MMP26: variants seen among roughly 807,000 people sequenced by gnomAD.
The protein encoded by MMP26 is matrix metallopeptidase 26.
MMP26 carries 33 observed loss-of-function variants against 31.0 expected under a neutral mutation model. That is an observed-to-expected ratio of 1.06 (90% confidence interval 0.81 to 1.42). MMP26 has a LOEUF of 1.42. Ranked by LOEUF, MMP26 falls within the 40% of genes most tolerant of loss-of-function variation. MMP26 has a pLI of 0.00. For missense variants in MMP26, 347 were observed against 316.1 expected, an observed-to-expected ratio of 1.10 and a Z score of -0.74; for synonymous variants, 122 against 114.9, an observed-to-expected ratio of 1.06 and a Z score of -0.40.
At chr11:4,761,295 A>T (rs948763785) in intron 1 of MMP26, among the ~76,000 whole-genome samples, 3 of 152,240 alleles carry the variant, frequency 2.0e-5, no homozygotes, top group African/African-American at 7.2e-5. Context: ...TTAAAGACAC[A>T]ATTAAGTCCT....
intron 2 of MMP26, chr11:4,882,954 T>C (rs1034204666): frequency 9.8e-6 from 12 of 1,229,546 alleles, no homozygotes; most frequent in African/African-American, 1.5e-5. Context: ...TATCCACAGG[T>C]GTTTTGGTTG....
intron 1 of MMP26, among the ~76,000 whole-genome samples, chr11:4,724,410 C>G (rs1444169345): frequency 3.9e-5 from 6 of 152,098 alleles, no homozygotes; most frequent in Non-Finnish European, 8.8e-5. Context: ...TTTTCTCTGG[C>G]CTAAATAGCA....
In MMP26 at chr11:4,951,738, T is replaced by C. The variant is rs1162171288; in HGVS notation, c.-144-36330T>C. Among the ~76,000 whole-genome samples the C allele has an allele frequency of 3.2e-5, 4 of 124,080 alleles. 1 individual carries two copies. The highest frequency in any genetic ancestry group is 7.3e-5 in the Non-Finnish European group (4 of 54,760). The allele number at this position is 124,080 out of a possible 152,430, so 81.4% of individuals were successfully genotyped here. ...TCACATTAAGTTTTTATCCTTGGTA[T>C]ACTGATTACTTCTGCTTAGAATATT... On this transcript the variant is annotated intron_variant, in intron 2 of 7. Transcript: ENST00000380390.
chr11:4,758,877 C>A (rs978194194), intron 1 of MMP26, among the ~76,000 whole-genome samples: 10 of 151,772 alleles, frequency 6.6e-5, no homozygotes, highest in African/African-American at 2.4e-4. Context: ...TTTGGGAAGA[C>A]GAGGCGGGCA....
At chr11:4,907,265 C>T (rs909445525) in intron 2 of MMP26, 12 of 693,554 alleles carry the variant, frequency 1.7e-5, no homozygotes, top group Middle Eastern at 4.0e-4. Context: ...GTATAGTATA[C>T]GAATGAACCC....
intron 1 of MMP26, among the ~76,000 whole-genome samples, chr11:4,705,404 G>A (rs1467462594): frequency 2.0e-5 from 3 of 152,156 alleles, no homozygotes; most frequent in Non-Finnish European, 2.9e-5. Context: ...TCTGAGACTC[G>A]ATTATCTAAT....
At position 4,992,073 on chromosome 11, in the gene MMP26, T is replaced by C. The variant is rs1847015025; in HGVS notation, c.705T>C (p.Pro235=). The C allele has an allele frequency of 1.9e-6, 3 of 1,614,052 alleles. No individual in the cohort carries two copies. Among genetic ancestry groups the C allele is most frequent in the Non-Finnish European group, 8.5e-7 (1 of 1,179,992 alleles). Residue 235 remains proline, a synonymous_variant, in exon 7 of 8, where the codon CCT becomes CCC. Coordinates refer to ENST00000380390, the MANE Select transcript of MMP26 (RefSeq NM_021801.5). ...ACCCCACTTACTGGTATCACGACCC[T>C]AGAACCTTCCAGCTCAGTGCCGATG... ...IMYPTYWYHD[P]RTFQLSADDI... is the part of the protein sequence containing the mutation.
intron 2 of MMP26, among the ~76,000 whole-genome samples, chr11:4,845,599 C>T (rs535429068): frequency 6.6e-4 from 101 of 152,222 alleles, no homozygotes; most frequent in Admixed American, 2.0e-3. Context: ...CAAATAGGAT[C>T]ACATTAAGTT....
At chr11:4,753,666 A>G (rs1848474311) in intron 1 of MMP26, among the ~76,000 whole-genome samples, 1 of 152,112 alleles carries the variant, frequency 6.6e-6, no homozygotes, top group African/African-American at 2.4e-5. Flanking sequence ...TCTTAGAGTT[A>G]TTAACTTAGA....
At chr11:4,848,104 G>T in intron 2 of MMP26, 1 of 946,338 alleles carries the variant, frequency 1.1e-6, no homozygotes, top group Non-Finnish European at 1.6e-6. Flanking sequence ...CATACTTCCA[G>T]GGACAGGAAG....
chr11:4,804,032 C>T, intron 2 of MMP26: 1 of 1,613,888 alleles, frequency 6.2e-7, no homozygotes, highest in East Asian at 2.2e-5. Context: ...GCCATGAGCA[C>T]CCCAGACTCC....
At chr11:4,728,562 C>A (rs193124667) in intron 1 of MMP26, among the ~76,000 whole-genome samples, 38 of 152,242 alleles carry the variant, frequency 2.5e-4, no homozygotes, top group African/African-American at 8.2e-4. Flanking sequence ...CCCAGTCAGG[C>A]CTCCCTTCTA....
At chr11:4,804,591 TATGTC>T (rs760365312) in intron 2 of MMP26, 3 of 748,760 alleles carry the variant, frequency 4.0e-6, no homozygotes, top group African/African-American at 3.4e-5. Flanking sequence ...TTTTCGTACT[TATGTC>T]ATTCAAAATG....
intron 1 of MMP26, among the ~76,000 whole-genome samples, chr11:4,753,477 A>G (rs1848471338): frequency 6.6e-6 from 1 of 152,104 alleles, no homozygotes; most frequent in Admixed American, 6.6e-5. Context: ...CTTCAACTGG[A>G]TTATGAGAAT....
chr11:4,765,850 G>C (rs1294784571), intron 1 of MMP26, among the ~76,000 whole-genome samples: 1 of 152,132 alleles, frequency 6.6e-6, no homozygotes, highest in African/African-American at 2.4e-5. Flanking sequence ...GTCTATTCCA[G>C]CATGCATACT....
intron 2 of MMP26, among the ~76,000 whole-genome samples, chr11:4,982,857 C>A (rs1284571555): frequency 1.3e-5 from 2 of 152,162 alleles, no homozygotes; most frequent in Admixed American, 6.5e-5. Context: ...TTTTTCCCAG[C>A]GTTCCTACAA....
chr11:4,854,098 G>T (rs1249476364), intron 2 of MMP26, among the ~76,000 whole-genome samples: 1 of 152,136 alleles, frequency 6.6e-6, no homozygotes, highest in Non-Finnish European at 1.5e-5. Context: ...AATAAGGAGG[G>T]TTCCAAGATG....
intron 4 of MMP26, among the ~76,000 whole-genome samples, chr11:4,990,091 T>G (rs1423670080): frequency 6.6e-6 from 1 of 152,202 alleles, no homozygotes; most frequent in East Asian, 1.9e-4. Flanking sequence ...CCTTTCCCTT[T>G]GTTAAATCTT....
chr11:4,772,119 C>G (rs34971311), intron 2 of MMP26, among the ~76,000 whole-genome samples: 1 of 151,944 alleles, frequency 6.6e-6, no homozygotes, highest in Non-Finnish European at 1.5e-5. Flanking sequence ...AAAGACAGAG[C>G]AAAAAAGAAA....
Sources: gnomAD v4.1 joint callset for allele counts (sites outside exome capture counted in the v4.1 genomes callset) on GRCh38, gnomAD v4.1.1 for gene constraint, MANE v1.5 for transcripts, NCBI Gene and HGNC (gene_info 2026-07-23, HGNC 2026-07-21) for gene names.